RAB28: variants seen among roughly 807,000 people sequenced by gnomAD.
RAB28 encodes RAB28, member RAS oncogene family, also known as ras-related protein Rab-28.
RAB28 carries 24 observed loss-of-function variants against 31.7 expected under a neutral mutation model. The observed-to-expected ratio is 0.76, with a 90% CI of 0.55 to 1.06. The LOEUF (loss-of-function observed/expected upper bound fraction) is 1.06, where lower values mean the gene tolerates loss of function less well. Among genes scored for constraint, RAB28 ranks in the 50% least tolerant of loss-of-function variants. The pLI is 0.00. For missense variants in RAB28, 254 were observed against 258.5 expected (o/e 0.98, Z 0.12); for synonymous variants, 100 against 90.4 (o/e 1.11, Z -0.60).
At chr4:13,478,394 C>G (rs1716461107) in intron 2 of RAB28, among the ~76,000 whole-genome samples, 2 of 151,420 alleles carry the variant, frequency 1.3e-5, no homozygotes, top group South Asian at 4.2e-4. Context: ...TACAAACTAT[C>G]ACAAAATATA....
chr4:13,457,512 T>A (rs1038809488), intron 4 of RAB28, among the ~76,000 whole-genome samples: 3 of 152,056 alleles, frequency 2.0e-5, no homozygotes, highest in African/African-American at 7.2e-5. Flanking sequence ...TATAACATTC[T>A]GTGTGACTGC....
intron 2 of RAB28, among the ~76,000 whole-genome samples, chr4:13,478,095 C>A (rs1393427863): frequency 6.6e-6 from 1 of 151,490 alleles, no homozygotes; most frequent in African/African-American, 2.4e-5. Context: ...AAAAAAACTC[C>A]TGCAAAAATA....
chr4:13,401,850 G>A (rs1577176922), intron 4 of RAB28, among the ~76,000 whole-genome samples: 1 of 152,042 alleles, frequency 6.6e-6, no homozygotes, highest in East Asian at 1.9e-4. Flanking sequence ...TTCTTAAGGT[G>A]GAAACTTACA....
chr4:13,465,754 AACACAC>A (rs33979911), intron 3 of RAB28, among the ~76,000 whole-genome samples: 12 of 142,192 alleles, frequency 8.4e-5, no homozygotes, highest in East Asian at 2.1e-4. Flanking sequence ...GGCAATCATG[AACACAC>A]ACACACACAC....
intron 4 of RAB28, among the ~76,000 whole-genome samples, chr4:13,399,694 TTA>T (rs1374885263): frequency 6.6e-6 from 1 of 152,190 alleles, no homozygotes; most frequent in African/African-American, 2.4e-5. Context: ...CCACTTATAT[TTA>T]TATGTCTTTC....
At chr4:13,469,257 T>C (rs1716007816) in intron 3 of RAB28, among the ~76,000 whole-genome samples, 2 of 152,172 alleles carry the variant, frequency 1.3e-5, no homozygotes, top group Non-Finnish European at 1.5e-5. Flanking sequence ...GGCAATCTTA[T>C]GGTCATCTAA....
At chr4:13,428,221 G>C (rs1336150809) in intron 4 of RAB28, among the ~76,000 whole-genome samples, 3 of 152,218 alleles carry the variant, frequency 2.0e-5, no homozygotes, top group African/African-American at 7.2e-5. Flanking sequence ...TTGTCTTTCA[G>C]TTTTTACTTC....
intron 3 of RAB28, among the ~76,000 whole-genome samples, chr4:13,468,412 AG>A (rs1348591260): frequency 6.6e-6 from 1 of 152,058 alleles, no homozygotes; most frequent in Non-Finnish European, 1.5e-5. Flanking sequence ...ACCAGAAATC[AG>A]TAACAGTAAA....
chr4:13,393,889 CT>C (rs1323940968), intron 4 of RAB28, among the ~76,000 whole-genome samples: 3 of 146,734 alleles, frequency 2.0e-5, no homozygotes, highest in Non-Finnish European at 4.5e-5. Flanking sequence ...ACATGCACTT[CT>C]TTAAAAGAAG....
intron 5 of RAB28, among the ~76,000 whole-genome samples, chr4:13,378,096 A>C (rs1728992973): frequency 1.3e-5 from 2 of 152,218 alleles, no homozygotes; most frequent in South Asian, 4.1e-4. Flanking sequence ...AAGTCTGAGC[A>C]AAGCCAGAAG....
At chr4:13,405,237 A>C (rs1560279353) in intron 4 of RAB28, among the ~76,000 whole-genome samples, 1 of 152,142 alleles carries the variant, frequency 6.6e-6, no homozygotes, top group Non-Finnish European at 1.5e-5. Flanking sequence ...ATATTACTAA[A>C]TGATACATTT....
Position 13,387,317 on chromosome 4 carries a change from C to T in RAB28, c.392-5723G>A, listed in dbSNP as rs151259561. ...AATCTAAGCATCATAATTGTCTCTG[C>T]TATTCTGGTCATCTCACATGTAATC... On this transcript the variant is annotated intron_variant, in intron 4 of 6. Coordinates refer to ENST00000330852, the MANE Select transcript of RAB28 (RefSeq NM_001017979.3). 4.5e-3 allele frequency among the ~76,000 whole-genome samples: 687 copies of T among 152,092 alleles called. 4 individuals are homozygous for T. The highest frequency in any genetic ancestry group is 0.016 in the African/African-American group (651 of 41,544).
chr4:13,452,979 T>C (rs764531621), intron 4 of RAB28, among the ~76,000 whole-genome samples: 1 of 136,242 alleles, frequency 7.3e-6, no homozygotes, highest in Non-Finnish European at 1.5e-5. Context: ...TATTTACAAT[T>C]GTTATGTTCT....
At chr4:13,473,455 G>T (rs554913115) in intron 3 of RAB28, among the ~76,000 whole-genome samples, 2 of 151,810 alleles carry the variant, frequency 1.3e-5, no homozygotes, top group South Asian at 4.2e-4. Flanking sequence ...TTAATATTCG[G>T]CTATATACCA....
intron 4 of RAB28, among the ~76,000 whole-genome samples, chr4:13,428,989 G>C (rs1306852199): frequency 6.9e-6 from 1 of 145,670 alleles, no homozygotes; most frequent in East Asian, 2.0e-4. Context: ...CTGTTGCCCA[G>C]GCTGGAATGC....
intron 4 of RAB28, among the ~76,000 whole-genome samples, chr4:13,413,228 G>C (rs1712550036): frequency 6.6e-6 from 1 of 152,060 alleles, no homozygotes; most frequent in Non-Finnish European, 1.5e-5. Flanking sequence ...ATCTTATCTT[G>C]AAATCTAAGA....
intron 4 of RAB28, among the ~76,000 whole-genome samples, chr4:13,401,240 A>C (rs999559478): frequency 2.6e-5 from 4 of 152,196 alleles, no homozygotes. Flanking sequence ...TTATGAATTC[A>C]ACTTTTTTCA....
chr4:13,439,516 G>A (rs969437486), intron 4 of RAB28, among the ~76,000 whole-genome samples: 3 of 152,000 alleles, frequency 2.0e-5, no homozygotes, highest in Non-Finnish European at 2.9e-5. Flanking sequence ...TCAGCTAATT[G>A]TTGTATCTTT....
chr4:13,443,556 A>G (rs1714529738), intron 4 of RAB28, among the ~76,000 whole-genome samples: 1 of 152,224 alleles, frequency 6.6e-6, no homozygotes, highest in Admixed American at 6.5e-5. Flanking sequence ...TTATTAAGGT[A>G]TAATTGACAT....
Sources: allele counts gnomAD v4.1 joint callset (sites outside exome capture counted in the v4.1 genomes callset), GRCh38; gene constraint gnomAD v4.1.1; transcripts MANE v1.5; gene names NCBI Gene and HGNC (gene_info 2026-07-23, HGNC 2026-07-21).